The following GPHN variants were observed in gnomAD, a reference collection of about 807,000 sequenced individuals.
The protein encoded by GPHN is gephyrin.
A neutral mutation model predicts 95.5 loss-of-function variants in GPHN; 17 were observed. The ratio of observed to expected loss-of-function variants is 0.18; its 90% CI spans 0.12 to 0.27. The LOEUF is 0.27. GPHN is among the 10% of genes least tolerant of loss of function. GPHN has a pLI of 1.00. For synonymous variants in GPHN, 320 were observed against 322.5 expected, an observed-to-expected ratio of 0.99 and a Z score of 0.08; for missense variants, 660 against 978.1, an observed-to-expected ratio of 0.67 and a Z score of 4.34.
the GPHN span, among the ~76,000 whole-genome samples, chr14:67,491,073 C>T: frequency 2.6e-5 from 4 of 152,320 alleles, no homozygotes; most frequent in Non-Finnish European, 4.4e-5. Flanking sequence ...ACAAGTAGAT[C>T]GTCACCTATA....
chr14:66,874,510 A>G (rs1240337508), intron 4 of GPHN, among the ~76,000 whole-genome samples: 1 of 152,194 alleles, frequency 6.6e-6, no homozygotes, highest in Admixed American at 6.5e-5. Flanking sequence ...AGAACCTTGA[A>G]AAAAGGTTAG....
At chr14:67,586,599 AG>A in the GPHN span, 1 of 451,640 alleles carries the variant, frequency 2.2e-6, no homozygotes, top group Non-Finnish European at 4.0e-6. Context: ...TACTCAATAC[AG>A]GAAGTGTTGA....
At chr14:67,288,142 C>T in the GPHN span, among the ~76,000 whole-genome samples, 3 of 151,998 alleles carry the variant, frequency 2.0e-5, no homozygotes, top group Non-Finnish European at 2.9e-5. Context: ...TGCAGTGGTG[C>T]GATCTCCGCT....
the GPHN span, among the ~76,000 whole-genome samples, chr14:67,347,159 A>AT: frequency 6.6e-6 from 1 of 151,890 alleles, no homozygotes; most frequent in Non-Finnish European, 1.5e-5. Context: ...GATTTTTTAT[A>AT]TTTTTTGTAG....
chr14:66,729,583 T>C (rs1268766012), intron 2 of GPHN, among the ~76,000 whole-genome samples: 1 of 152,222 alleles, frequency 6.6e-6, no homozygotes. Flanking sequence ...GGAAATAGTC[T>C]ATATGTTGCT....
chr14:66,744,627 G>A (rs934918723), intron 2 of GPHN, among the ~76,000 whole-genome samples: 1 of 152,156 alleles, frequency 6.6e-6, no homozygotes, highest in African/African-American at 2.4e-5. Context: ...GACAAATAGT[G>A]AATACTCAGT....
chr14:66,723,984 CAT>C (rs3033903), intron 2 of GPHN, among the ~76,000 whole-genome samples: 5,762 of 123,798 alleles, frequency 0.047, 363 homozygotes, highest in African/African-American at 0.14. Context: ...GTCATGCATA[CAT>C]ACACACACAC....
chr14:66,862,171 T>A (rs528317124), intron 4 of GPHN, among the ~76,000 whole-genome samples: 2 of 152,120 alleles, frequency 1.3e-5, no homozygotes, highest in South Asian at 2.1e-4. Flanking sequence ...CAATTGATAC[T>A]GCATAAAGTC....
At chr14:67,403,237 T>G in the GPHN span, among the ~76,000 whole-genome samples, 2 of 152,252 alleles carry the variant, frequency 1.3e-5, no homozygotes, top group South Asian at 4.1e-4. Flanking sequence ...GAAATGTCTA[T>G]TCAAATCTTT....
At chr14:67,201,080 G>A in the GPHN span, among the ~76,000 whole-genome samples, 6 of 152,186 alleles carry the variant, frequency 3.9e-5, no homozygotes. Flanking sequence ...AGGATCGCTT[G>A]AGGCCAGGTT....
the GPHN span, among the ~76,000 whole-genome samples, chr14:67,214,405 C>A: frequency 2.0e-4 from 31 of 152,194 alleles, no homozygotes; most frequent in African/African-American, 7.0e-4. Flanking sequence ...TTTCCCAGCA[C>A]CGTTTATTAA....
the GPHN span, among the ~76,000 whole-genome samples, chr14:67,428,756 G>A: frequency 1.3e-5 from 2 of 152,214 alleles, no homozygotes; most frequent in African/African-American, 2.4e-5. Context: ...TCAGGCTTGA[G>A]GGCCTGGCCT....
chr14:66,837,016 C>G (rs867256862), intron 4 of GPHN, among the ~76,000 whole-genome samples: 68 of 148,176 alleles, frequency 4.6e-4, no homozygotes, highest in South Asian at 2.2e-3. Flanking sequence ...CTAGTTCAAC[C>G]ATTGTGGAAG....
At chr14:67,320,336 G>C in the GPHN span, 3 of 1,613,410 alleles carry the variant, frequency 1.9e-6, no homozygotes, top group Admixed American at 5.0e-5. Flanking sequence ...ACTGTGGCCA[G>C]AATGAATTGC....
In GPHN at chr14:66,928,315, A is replaced by G. The variant is rs572553266; in HGVS notation, c.828+4023A>G. Among the ~76,000 whole-genome samples, 365 of 152,284 alleles carry G rather than the reference A, an allele frequency of 2.4e-3. 4 individuals carry two copies. Among genetic ancestry groups the G allele is most frequent in the African/African-American group, 8.3e-3 (344 of 41,568 alleles). On this transcript the variant is annotated intron_variant, in intron 8 of 22. Coordinates refer to ENST00000478722, the MANE Select transcript of GPHN (RefSeq NM_020806.5). The stretch of plus-strand genomic sequence containing the variant: ...TCTAGGTTTTCCAACTTATTGGCAT[A>G]TAGTTGCTCATAGTAGTCTGTAATG...
the GPHN span, among the ~76,000 whole-genome samples, chr14:67,285,229 G>A: frequency 6.6e-6 from 1 of 152,006 alleles, no homozygotes; most frequent in Non-Finnish European, 1.5e-5. Flanking sequence ...TAAAAGAGTT[G>A]GAATTATTTA....
the GPHN span, among the ~76,000 whole-genome samples, chr14:67,296,323 G>A: frequency 3.9e-5 from 6 of 152,182 alleles, no homozygotes; most frequent in South Asian, 2.1e-4. Context: ...TCCAGACGCC[G>A]GATGCAGTGG....
intron 8 of GPHN, among the ~76,000 whole-genome samples, chr14:66,935,501 GT>G (rs34264433): frequency 0.34 from 48,460 of 141,926 alleles, 12,507 homozygotes; most frequent in African/African-American, 0.71. Flanking sequence ...ATATGTGTGT[GT>G]TTTTATATAT....
the GPHN span, among the ~76,000 whole-genome samples, chr14:67,330,246 TAATTC>T: frequency 6.6e-6 from 1 of 151,350 alleles, no homozygotes; most frequent in Non-Finnish European, 1.5e-5. Flanking sequence ...CTTTTCTATT[TAATTC>T]ATTTCTTTTT....
Sources: allele counts gnomAD v4.1 joint callset (sites outside exome capture counted in the v4.1 genomes callset), GRCh38; gene constraint gnomAD v4.1.1; transcripts MANE v1.5; gene names NCBI Gene and HGNC (gene_info 2026-07-23, HGNC 2026-07-21).